Variants in NBPF3 observed in about 807,000 individuals in gnomAD.
NBPF3 encodes NBPF family member NBPF3.
In NBPF3, 57 loss-of-function variants were observed where a neutral mutation model predicts 78.1. The observed-to-expected ratio is 0.73, with a 90% CI of 0.59 to 0.91. The LOEUF is 0.91. NBPF3 is among the 40% of genes least tolerant of loss of function. NBPF3 has a pLI of 0.00. For synonymous variants in NBPF3, 182 were observed against 271.7 expected, an observed-to-expected ratio of 0.67 and a Z score of 3.25; for missense variants, 510 against 715.3, an observed-to-expected ratio of 0.71 and a Z score of 3.27.
intron 5 of NBPF3, 87 bp from the exon 6 acceptor site, chr1:21,472,756 A>G (rs1166708359): frequency 3.3e-6 from 3 of 919,260 alleles, no homozygotes; most frequent in Non-Finnish European, 5.5e-6. Context: ...CCATGCCTAG[A>G]TGTTCATGTC....
intron 8 of NBPF3, among the ~76,000 whole-genome samples, chr1:21,477,573 C>T (rs1421557987): frequency 2.0e-5 from 3 of 152,050 alleles, no homozygotes; most frequent in Non-Finnish European, 4.4e-5. Context: ...CACTCCAGAC[C>T]TTCAAACAGG....
chr1:21,461,097 T>G (rs2147951005), intron 2 of NBPF3, among the ~76,000 whole-genome samples: 1 of 152,324 alleles, frequency 6.6e-6, no homozygotes, highest in Middle Eastern at 3.4e-3. Flanking sequence ...TGTGGGAATG[T>G]AGAGCAACTG....
intron 5 of NBPF3, among the ~76,000 whole-genome samples, chr1:21,472,332 G>A (rs1238782903): frequency 1.3e-5 from 2 of 152,216 alleles, no homozygotes; most frequent in African/African-American, 4.8e-5. Context: ...TGATGTGGGG[G>A]CATTTGGTGG....
rs986468125 is a variant in NBPF3, at chr1:21,440,164, G to C, written c.-324G>C. Reference sequence around the variant, plus strand: ...AGGCGAGGGGTTGGGTGGCGGTTGAGACAGCGGCGGTACTGGGATGGGTAG... The same window carrying C: ...AGGCGAGGGGTTGGGTGGCGGTTGACACAGCGGCGGTACTGGGATGGGTAG... On this transcript the variant is annotated 5_prime_UTR_variant, in exon 1 of 15. Coordinates refer to ENST00000318249, the MANE Select transcript of NBPF3 (RefSeq NM_032264.6). The C allele has an allele frequency of 6.6e-6, 1 of 152,434 alleles. No homozygotes were observed. Among genetic ancestry groups the C allele is most frequent in the Non-Finnish European group, 1.5e-5 (1 of 68,224 alleles). The allele number at this position is 152,434 out of a possible 1,614,324, so 9.4% of individuals were successfully genotyped here.
rs1191622079 is a variant in NBPF3, at chr1:21,473,340, G to C, written c.735-40G>C. The C allele has an allele frequency of 2.5e-6, 4 of 1,601,366 alleles. No individual in the cohort carries two copies. In the African/African-American group the frequency reaches 4.0e-5, roughly 16 times the overall value. On this transcript the variant is annotated intron_variant, in intron 6 of 14. Transcript: ENST00000318249. ...ACTCCCTGGTGTCCAATCCCTCTGT[G>C]TTTAGTCTTCTGTCATCTCTATCCC...
chr1:21,446,509 C>T (rs1640987958), intron 2 of NBPF3: 1 of 143,820 alleles, frequency 7.0e-6, no homozygotes, highest in African/African-American at 2.5e-5. Context: ...TTCCCTCCAA[C>T]TCTCTTTCTC....
Position 21,473,514 on chromosome 1 carries a change from A to T in NBPF3, c.869A>T (p.Asp290Val), listed in dbSNP as rs200424283. The stretch of plus-strand genomic sequence containing the variant: ...AACACCAGAATCACATTTGAGGAAG[A>T]CCAAGTCGACTCAACTCTCATTGAC... Reference protein sequence around the residue: ...YGNTRITFEEDQVDSTLIDSS... With the variant: ...YGNTRITFEEVQVDSTLIDSS... The change falls in exon 7 of 15, where the codon GAC (aspartate) becomes GTC (valine). Residue 290 changes from aspartate to valine, a missense_variant. Asp to Val is a radical substitution (Grantham distance 152). Around this residue, in one of 5 missense-constraint regions of NBPF3, gnomAD observed 440 missense variants for 478.2 expected, o/e 0.92. Transcript: ENST00000318249. 1 of 1,614,196 alleles carries T rather than the reference A, an allele frequency of 6.2e-7. No individual in the cohort carries two copies. Among genetic ancestry groups the T allele is most frequent in the Non-Finnish European group, 8.5e-7 (1 of 1,180,042 alleles).
intron 1 of NBPF3, among the ~76,000 whole-genome samples, chr1:21,444,603 TC>T (rs1222029172): frequency 6.6e-6 from 1 of 152,142 alleles, no homozygotes; most frequent in East Asian, 1.9e-4. Context: ...AGTGGTGCCA[TC>T]ATAGCTCACT....
At chr1:21,477,932 A>T in intron 8 of NBPF3, 2 of 951,450 alleles carry the variant, frequency 2.1e-6, no homozygotes, top group Non-Finnish European at 3.1e-6. Flanking sequence ...TGGCAAATGT[A>T]CTGAGCACGT....
At position 21,468,781 on chromosome 1, in the gene NBPF3, TC is replaced by T. The variant is rs747818094; in HGVS notation, c.228del (p.Asn77ThrfsTer24). ...GEKAEMNILE[I>X]NKKSRPQLAE... is the part of the protein sequence containing the mutation. ...AAGGCAGAGATGAACATTCTAGAAATCAACAAGAAATCGCGCCCCCAGCTGG... is the reference window on the plus strand; with the variant it reads ...AAGGCAGAGATGAACATTCTAGAAATAACAAGAAATCGCGCCCCCAGCTGG... On this transcript the variant is annotated frameshift_variant, in exon 3 of 15. Coordinates refer to ENST00000318249, the MANE Select transcript of NBPF3 (RefSeq NM_032264.6). LOFTEE classifies it high-confidence loss of function. 8.7e-6 allele frequency: 14 copies of T among 1,613,746 alleles called. No homozygotes were observed. The African/African-American group carries it at 1.6e-4, about 18-fold the overall frequency.
chr1:21,482,247 C>A (rs1412270279), intron 13 of NBPF3, among the ~76,000 whole-genome samples: 3 of 146,046 alleles, frequency 2.1e-5, no homozygotes, highest in Non-Finnish European at 4.5e-5. Flanking sequence ...AAACTTGGGA[C>A]AAATGATATT....
intron 2 of NBPF3, among the ~76,000 whole-genome samples, chr1:21,445,507 C>T (rs1387280005): frequency 1.3e-5 from 2 of 151,812 alleles, no homozygotes; most frequent in African/African-American, 4.8e-5. Context: ...TCTCCCCGCT[C>T]TTCCCCTCTC....
intron 2 of NBPF3, among the ~76,000 whole-genome samples, chr1:21,456,170 A>C (rs1641588196): frequency 6.6e-6 from 1 of 152,210 alleles, no homozygotes; most frequent in East Asian, 1.9e-4. Context: ...CAGTCCACAT[A>C]AGTCCAAAGT....
intron 7 of NBPF3, among the ~76,000 whole-genome samples, chr1:21,474,508 A>G (rs1008549971): frequency 6.6e-6 from 1 of 152,236 alleles, no homozygotes; most frequent in African/African-American, 2.4e-5. Context: ...GAATTTATCT[A>G]TCAGTCGAGT....
At chr1:21,450,447 C>G (rs552743570) in intron 2 of NBPF3, among the ~76,000 whole-genome samples, 1 of 152,338 alleles carries the variant, frequency 6.6e-6, no homozygotes, top group South Asian at 2.1e-4. Context: ...CCAGTTCATG[C>G]AGGTAACCTC....
At chr1:21,438,595 C>T (rs980905761), upstream of NBPF3, among the ~76,000 whole-genome samples, 1 of 152,210 alleles carries the variant, frequency 6.6e-6, no homozygotes, top group Non-Finnish European at 1.5e-5. Context: ...TGTTAGCTCT[C>T]ATTAATATTG....
Position 21,460,785 on chromosome 1 carries a change from A to AT in NBPF3, c.134-7901dup, listed in dbSNP as rs1231056087. On this transcript the variant is annotated intron_variant, in intron 2 of 14. Coordinates refer to ENST00000318249, the MANE Select transcript of NBPF3 (RefSeq NM_032264.6). The surrounding 1 kb of genome is among the most constrained non-coding windows in gnomAD (Gnocchi z 4.2). ...CTTCATTTTTAAAAACCTTCTGCTT[A>AT]TTATGTTGTTGTTTAACAACTTAAA... 6.6e-6 allele frequency among the ~76,000 whole-genome samples: 1 copy of AT among 152,210 alleles called. No homozygotes were observed. The highest frequency in any genetic ancestry group is 1.5e-5 in the Non-Finnish European group (1 of 68,032).
At position 21,471,564 on chromosome 1, in the gene NBPF3, C is replaced by G; in HGVS notation, c.447-5C>G. On this transcript the variant is annotated splice_region_variant and splice_polypyrimidine_tract_variant and intron_variant, in intron 4 of 14. Coordinates refer to ENST00000318249, the MANE Select transcript of NBPF3 (RefSeq NM_032264.6). ...TGTTAAATTTTCTCTACTATCTCAC[C>G]TTAGGCAATATAAAGTCCTGGTTCA... 6.2e-7 allele frequency: 1 copy of G among 1,611,868 alleles called. No individual in the cohort carries two copies. The highest frequency in any genetic ancestry group is 8.5e-7 in the Non-Finnish European group (1 of 1,179,794).
intron 2 of NBPF3, among the ~76,000 whole-genome samples, chr1:21,448,252 T>C (rs1448366549): frequency 6.6e-6 from 1 of 152,162 alleles, no homozygotes; most frequent in Non-Finnish European, 1.5e-5. Context: ...CTCCTAGGAT[T>C]CTTATGGTTT....
Sources: gnomAD v4.1 joint callset for allele counts (sites outside exome capture counted in the v4.1 genomes callset) on GRCh38, gnomAD v4.1.1 for gene constraint, gnomAD v4.1.1 regional missense constraint, Gnocchi (gnomAD v3.1) non-coding constraint, MANE v1.5 for transcripts, NCBI Gene and HGNC (gene_info 2026-07-23, HGNC 2026-07-21) for gene names.